The following CEP89 variants were observed in gnomAD, a reference collection of about 807,000 sequenced individuals.
The protein encoded by CEP89 is centrosomal protein of 89 kDa.
Under a neutral mutation model 97.6 loss-of-function variants are expected in CEP89, and 95 were observed. The observed-to-expected ratio is 0.97, with a 90% CI of 0.82 to 1.15. The LOEUF (loss-of-function observed/expected upper bound fraction) is 1.15, where lower values mean the gene tolerates loss of function less well. Among genes scored for constraint, CEP89 ranks in the 50% most tolerant of loss-of-function variants. The pLI, the probability that CEP89 is intolerant of heterozygous loss-of-function variation, is 0.00. For synonymous variants in CEP89, 354 were observed against 349.1 expected (o/e 1.01, Z -0.16); for missense variants, 869 against 947.7 (o/e 0.92, Z 1.09).
At position 32,879,142 on chromosome 19, in the gene CEP89, A is replaced by G. The variant is rs776078700; in HGVS notation, c.*20T>C. The G allele has an allele frequency of 3.2e-6, 5 of 1,585,944 alleles. No individual in the cohort carries two copies. The highest frequency in any genetic ancestry group is 4.3e-6 in the Non-Finnish European group (5 of 1,163,716). On this transcript the variant is annotated 3_prime_UTR_variant, in exon 19 of 19. Coordinates refer to ENST00000305768, the MANE Select transcript of CEP89 (RefSeq NM_032816.5). ...GACCTTTCAGGCCAGAGGAGGCTACACCACGGGCTCCCGCAGATTCTAGCA... is the reference window on the plus strand; with the variant it reads ...GACCTTTCAGGCCAGAGGAGGCTACGCCACGGGCTCCCGCAGATTCTAGCA...
chr19:32,939,678 A>G (rs76979871), intron 6 of CEP89, among the ~76,000 whole-genome samples, 179 bp downstream of exon 6: 1 of 61,686 alleles, frequency 1.6e-5, no homozygotes. Context: ...CCCCTTCTCA[A>G]AAAAAAAAAA....
At chr19:32,918,991 T>G (rs1408868958) in intron 12 of CEP89, among the ~76,000 whole-genome samples, 1 of 150,960 alleles carries the variant, frequency 6.6e-6, no homozygotes, top group Non-Finnish European at 1.5e-5. Context: ...TTCACATCAT[T>G]CTCCTGCCTC....
In CEP89 at chr19:32,929,962, TGGGCAGCAG is replaced by T. The variant is rs202108097; in HGVS notation, c.1029+1458_1029+1466del. On this transcript the variant is annotated intron_variant, in intron 9 of 18. Coordinates refer to ENST00000305768, the MANE Select transcript of CEP89 (RefSeq NM_032816.5). The stretch of plus-strand genomic sequence containing the variant: ...TTACCAGGGGCTGAGCTGGAGGAAT[TGGGCAGCAG>T]GGGAACATAGGGAGTGATTCCCAAC... Among the ~76,000 whole-genome samples the T allele has an allele frequency of 2.7e-4, 41 of 151,664 alleles. No homozygotes were observed. The East Asian group carries it at 8.0e-3, about 29-fold the overall frequency.
chr19:32,953,917 G>A, intron 3 of CEP89, 116 bp from the exon 4 acceptor site: 2 of 694,230 alleles, frequency 2.9e-6, no homozygotes, highest in East Asian at 5.7e-5. Context: ...CGCCCAGGCT[G>A]GAGTGCAGTG....
At chr19:32,959,554 T>C (rs1397420040) in intron 3 of CEP89, among the ~76,000 whole-genome samples, 1 of 152,198 alleles carries the variant, frequency 6.6e-6, no homozygotes, top group Non-Finnish European at 1.5e-5. Flanking sequence ...ACTGTTCAGG[T>C]TGCTGCACAA....
At chr19:32,888,773 CTG>C (rs1969452393) in intron 16 of CEP89, among the ~76,000 whole-genome samples, 1 of 151,252 alleles carries the variant, frequency 6.6e-6, no homozygotes, top group Admixed American at 6.6e-5. Flanking sequence ...CTTGGGGAAA[CTG>C]AAAGTGATTT....
Position 32,920,141 on chromosome 19 carries a change from G to A in CEP89, c.1269-1802C>T, listed in dbSNP as rs149757408. Among the ~76,000 whole-genome samples the A allele has an allele frequency of 8.3e-3, 1,270 of 152,224 alleles. 10 individuals carry two copies. Among genetic ancestry groups the A allele is most frequent in the Middle Eastern group, 0.02 (6 of 294 alleles). On this transcript the variant is annotated intron_variant, in intron 12 of 18. Transcript: ENST00000305768. Reference sequence around the variant, plus strand: ...TAGCCTTGAATTCCTGGGCTTAACCGATCCTCCTGCCTCAGCCTTCTGAAT... The same window carrying A: ...TAGCCTTGAATTCCTGGGCTTAACCAATCCTCCTGCCTCAGCCTTCTGAAT...
chr19:32,950,600 G>A (rs890580017), intron 4 of CEP89, among the ~76,000 whole-genome samples: 3 of 152,144 alleles, frequency 2.0e-5, no homozygotes, highest in Non-Finnish European at 4.4e-5. Flanking sequence ...TGCTCAATAT[G>A]GACAATCGTT....
At chr19:32,896,728 C>T (rs546125755) in intron 16 of CEP89, among the ~76,000 whole-genome samples, 53 of 151,630 alleles carry the variant, frequency 3.5e-4, no homozygotes, top group African/African-American at 1.2e-3. Flanking sequence ...CAACAAGAGG[C>T]TAATACCCAG....
chr19:32,931,875 T>C (rs534520371), intron 8 of CEP89, among the ~76,000 whole-genome samples: 2 of 152,276 alleles, frequency 1.3e-5, no homozygotes, highest in East Asian at 3.9e-4. Flanking sequence ...GACATAAGAA[T>C]ATGTGCTTTG....
At position 32,952,918 on chromosome 19, in the gene CEP89, A is replaced by AAG. The variant is rs1555794637; in HGVS notation, c.492+696_492+697insCT. ...GACTCTGTCTCAAAAAAAAAAAAAA[A>AAG]AAAAAAGAAAAGAAAAAGAAAAGAA... On this transcript the variant is annotated intron_variant, in intron 4 of 18. Coordinates refer to ENST00000305768, the MANE Select transcript of CEP89 (RefSeq NM_032816.5). Among the ~76,000 whole-genome samples, 895 of 138,156 alleles carry AAG rather than the reference A, an allele frequency of 6.5e-3. 17 individuals carry two copies. Among genetic ancestry groups the AAG allele is most frequent in the African/African-American group, 0.016 (578 of 37,246 alleles). The allele number at this position is 138,156 out of a possible 152,430, so 90.6% of individuals were successfully genotyped here.
At chr19:32,892,113 C>CAT (rs201666066) in intron 16 of CEP89, among the ~76,000 whole-genome samples, 10,566 of 142,890 alleles carry the variant, frequency 0.074, 1,317 homozygotes, top group African/African-American at 0.25. Flanking sequence ...TATATTTAGA[C>CAT]ATACATATAT....
intron 14 of CEP89, 30 bp downstream of exon 14, chr19:32,915,307 A>C (rs1275615885): frequency 1.3e-6 from 2 of 1,558,438 alleles, no homozygotes; most frequent in Non-Finnish European, 1.7e-6. Flanking sequence ...AAAGAAAAAA[A>C]AAAAAAAAGA....
chr19:32,961,528 G>C lies in CEP89; in HGVS notation c.147-1470C>G, dbSNP rs183436120. On this transcript the variant is annotated intron_variant, in intron 2 of 18. Coordinates refer to ENST00000305768, the MANE Select transcript of CEP89 (RefSeq NM_032816.5). ...TGGGAGGTGGAGCTTGCAGTGAGCC[G>C]AGATCGCGCCACTGCCCTCCAGCCT... Among the ~76,000 whole-genome samples the C allele has an allele frequency of 2.2e-3, 314 of 141,044 alleles. 1 individual carries two copies. The highest frequency in any genetic ancestry group is 8.1e-3 in the African/African-American group (297 of 36,842). 92.5% of individuals were successfully genotyped at this position (141,044 alleles called of 152,430 possible).
At position 32,918,242 on chromosome 19, in the gene CEP89, G is replaced by A; in HGVS notation, c.1366C>T (p.Gln456Ter). 2.5e-6 allele frequency: 4 copies of A among 1,613,856 alleles called. No individual in the cohort carries two copies. The highest frequency in any genetic ancestry group is 3.4e-6 in the Non-Finnish European group (4 of 1,179,736). The change falls in exon 13 of 19, where the codon CAG becomes TAG. Residue 456 changes from glutamine (Q) to a stop codon, truncating the protein, a stop_gained. Coordinates refer to ENST00000305768, the MANE Select transcript of CEP89 (RefSeq NM_032816.5). LOFTEE classifies it high-confidence loss of function. ...IQQRKAKDSH[Q>*]ERLQEVSKLT... Reference sequence around the variant, plus strand: ...ACCTCACCTTCTTGGAGGCGCTCCTGGTGGCTGTCCTTGGCTTTCCTTTGC... The same window carrying A: ...ACCTCACCTTCTTGGAGGCGCTCCTAGTGGCTGTCCTTGGCTTTCCTTTGC...
Position 32,963,892 on chromosome 19 carries a change from C to CCACACACA in CEP89, c.146+2460_146+2467dup, listed in dbSNP as rs56322637. 5.1e-3 allele frequency: 739 copies of CCACACACA among 146,228 alleles called. 1 individual carries two copies. Among genetic ancestry groups the CCACACACA allele is most frequent in the Admixed American group, 8.9e-3 (129 of 14,490 alleles). 9.1% of individuals were successfully genotyped at this position (146,228 alleles called of 1,614,324 possible). A position where few individuals can be genotyped will look rare whatever the true frequency, so the allele number is the denominator to read the frequency against. On this transcript the variant is annotated intron_variant, in intron 2 of 18. Transcript: ENST00000305768. ...CACTGACTGTCCAAGTTATAAAAGA[C>CCACACACA]CACACACACACACACACACACACAC... is the stretch of plus-strand genomic sequence containing the variant.
intron 18 of CEP89, 92 bp from the exon 19 acceptor site, chr19:32,879,470 G>T: frequency 1.9e-6 from 2 of 1,056,544 alleles, no homozygotes; most frequent in East Asian, 2.4e-5. Flanking sequence ...ACAGAAGAAC[G>T]CTATCAGCAG....
chr19:32,953,857 T>C (rs1970989568), intron 3 of CEP89, 56 bp from the exon 4 acceptor site: 2 of 1,045,378 alleles, frequency 1.9e-6, no homozygotes, highest in South Asian at 1.5e-5. Context: ...CACTTGACAC[T>C]GATAAATATC....
rs1302036969 is a variant in CEP89 at position 32,876,877 on chromosome 19, A to C, written c.*2285T>G. 1 of 152,268 alleles carries C rather than the reference A, an allele frequency of 6.6e-6. No homozygotes were observed. Among genetic ancestry groups the C allele is most frequent in the Non-Finnish European group, 1.5e-5 (1 of 68,040 alleles). The allele number at this position is 152,268 out of a possible 1,614,324, so 9.4% of individuals were successfully genotyped here. ...TGTGAAAAACTTAAAGCAGAAACAT[A>C]AGAACAAAAGTGGACACTTCTCAAA... On this transcript the variant is annotated 3_prime_UTR_variant, in exon 19 of 19. Coordinates refer to ENST00000305768, the MANE Select transcript of CEP89 (RefSeq NM_032816.5).
Sources: allele counts gnomAD v4.1 joint callset (sites outside exome capture counted in the v4.1 genomes callset), GRCh38; gene constraint gnomAD v4.1.1; transcripts MANE v1.5; gene names NCBI Gene and HGNC (gene_info 2026-07-23, HGNC 2026-07-21).